CBLB: variants seen among roughly 807,000 people sequenced by gnomAD.
CBLB encodes Cbl proto-oncogene B, also known as E3 ubiquitin-protein ligase CBL-B.
Under a neutral mutation model 104.9 loss-of-function variants are expected in CBLB, and 31 were observed. The observed-to-expected ratio is 0.30, with a 90% CI of 0.22 to 0.40. CBLB has a LOEUF of 0.40. CBLB is among the 10% of genes least tolerant of loss of function. CBLB has a pLI of 1.00. For missense variants in CBLB, 1,062 were observed against 1,214.6 expected (o/e 0.87, Z 1.87); for synonymous variants, 440 against 422.6 (o/e 1.04, Z -0.51).
intron 3 of CBLB, among the ~76,000 whole-genome samples, chr3:105,817,559 G>A (rs1408647032): frequency 6.6e-6 from 1 of 152,140 alleles, no homozygotes; most frequent in East Asian, 1.9e-4. Flanking sequence ...GAAAACTAGA[G>A]TAGTGAATAT....
At chr3:105,845,204 T>C (rs1026080956) in intron 3 of CBLB, among the ~76,000 whole-genome samples, 3 of 152,058 alleles carry the variant, frequency 2.0e-5, no homozygotes, top group South Asian at 4.1e-4. Flanking sequence ...CTCAGGAATA[T>C]ATAAACATTT....
chr3:105,713,310 G>T (rs1214708430), intron 10 of CBLB, among the ~76,000 whole-genome samples: 1 of 151,368 alleles, frequency 6.6e-6, no homozygotes, highest in Non-Finnish European at 1.5e-5. Context: ...AAAACTAGAA[G>T]ATGAGCCCAG....
chr3:105,659,991 A>G (rs1473443191), intron 18 of CBLB, among the ~76,000 whole-genome samples: 1 of 152,172 alleles, frequency 6.6e-6, no homozygotes, highest in Non-Finnish European at 1.5e-5. Flanking sequence ...GTTCTAGATT[A>G]GTCCCTTGGT....
chr3:105,827,492 A>G (rs987554983), intron 3 of CBLB, among the ~76,000 whole-genome samples: 5 of 150,722 alleles, frequency 3.3e-5, no homozygotes, highest in Admixed American at 6.6e-5. Context: ...ACCAGTGTGT[A>G]TGTGTGTGTG....
chr3:105,724,991 T>C (rs2073401372), intron 9 of CBLB, among the ~76,000 whole-genome samples: 1 of 152,200 alleles, frequency 6.6e-6, no homozygotes, highest in Non-Finnish European at 1.5e-5. Context: ...AGGATCAGCA[T>C]GTAGTGGTTT....
chr3:105,665,008 A>T lies in CBLB; in HGVS notation c.2689+5225T>A, dbSNP rs1182601128. Among the ~76,000 whole-genome samples the T allele has an allele frequency of 2.0e-5, 3 of 152,212 alleles. No individual in the cohort carries two copies. The East Asian group carries it at 5.8e-4, about 29-fold the overall frequency. On this transcript the variant is annotated intron_variant, in intron 18 of 18. Coordinates refer to ENST00000394030, the MANE Select transcript of CBLB (RefSeq NM_170662.5). ...TTATTAACAAATTTTTAAAAAACTGAAACTGATGTAAATTCTATCAGGCTT... is the reference window on the plus strand; with the variant it reads ...TTATTAACAAATTTTTAAAAAACTGTAACTGATGTAAATTCTATCAGGCTT...
chr3:105,754,444 A>C (rs1015900983), intron 4 of CBLB, among the ~76,000 whole-genome samples: 2 of 146,412 alleles, frequency 1.4e-5, no homozygotes, highest in Admixed American at 6.8e-5. Context: ...TTGTTTTACA[A>C]ATGTAGAAAT....
chr3:105,867,683 C>T, intron 1 of CBLB, 92 bp from the exon 2 acceptor site: 2 of 1,090,286 alleles, frequency 1.8e-6, no homozygotes, highest in East Asian at 2.5e-5. Flanking sequence ...ACCACTGCAT[C>T]TTCCTCCATC....
At chr3:105,806,549 G>A (rs972969586) in intron 3 of CBLB, among the ~76,000 whole-genome samples, 25 of 148,968 alleles carry the variant, frequency 1.7e-4, no homozygotes, top group African/African-American at 5.4e-4. Flanking sequence ...TCTTTTTAAA[G>A]GTCACAAAGA....
intron 3 of CBLB, among the ~76,000 whole-genome samples, chr3:105,820,218 A>G (rs1285357974): frequency 6.6e-6 from 1 of 152,110 alleles, no homozygotes; most frequent in Non-Finnish European, 1.5e-5. Flanking sequence ...TAATGCCACC[A>G]CTGAGCTGAC....
At chr3:105,847,392 C>CCA (rs112192218) in intron 3 of CBLB, among the ~76,000 whole-genome samples, 25,767 of 143,338 alleles carry the variant, frequency 0.18, 2,231 homozygotes, top group Non-Finnish European at 0.2. Context: ...TAACCCTCCA[C>CCA]CACACACACA....
intron 10 of CBLB, 97 bp from the exon 11 acceptor site, chr3:105,704,270 A>G: frequency 8.8e-7 from 1 of 1,132,830 alleles, no homozygotes; most frequent in Non-Finnish European, 1.3e-6. Flanking sequence ...GGTTTCTGGC[A>G]CCATACATTT....
intron 3 of CBLB, among the ~76,000 whole-genome samples, chr3:105,779,474 T>C (rs968399890): frequency 6.6e-6 from 1 of 152,196 alleles, no homozygotes; most frequent in Non-Finnish European, 1.5e-5. Context: ...CAAGCTCATA[T>C]TGTTAAAAAT....
At chr3:105,790,400 A>G (rs2081497537) in intron 3 of CBLB, among the ~76,000 whole-genome samples, 1 of 152,228 alleles carries the variant, frequency 6.6e-6, no homozygotes, top group African/African-American at 2.4e-5. Context: ...TTACTTACAC[A>G]ACTATCAGTT....
intron 12 of CBLB, among the ~76,000 whole-genome samples, chr3:105,694,225 G>A (rs1346215981): frequency 6.6e-6 from 1 of 151,838 alleles, no homozygotes; most frequent in Non-Finnish European, 1.5e-5. Context: ...ACCATCCAAA[G>A]CCAGTGTTCA....
At chr3:105,816,397 G>A (rs1577455222) in intron 3 of CBLB, among the ~76,000 whole-genome samples, 1 of 152,058 alleles carries the variant, frequency 6.6e-6, no homozygotes, top group African/African-American at 2.4e-5. Flanking sequence ...CTACTAAGCA[G>A]GCAATTTCAA....
chr3:105,818,330 C>T (rs932865279), intron 3 of CBLB, among the ~76,000 whole-genome samples: 1 of 152,068 alleles, frequency 6.6e-6, no homozygotes, highest in Admixed American at 6.5e-5. Flanking sequence ...TACATCCACA[C>T]TGATAAAAAG....
At chr3:105,764,684 G>A (rs1256924141) in intron 4 of CBLB, among the ~76,000 whole-genome samples, 1 of 152,158 alleles carries the variant, frequency 6.6e-6, no homozygotes, top group Non-Finnish European at 1.5e-5. Context: ...ACATGATTAA[G>A]TTTAGTGAGA....
chr3:105,715,836 C>T (rs2071775328), intron 10 of CBLB, among the ~76,000 whole-genome samples: 2 of 152,016 alleles, frequency 1.3e-5, no homozygotes, highest in Non-Finnish European at 1.5e-5. Context: ...GTCAGGAGTT[C>T]GAGACTAGGC....
Sources: gnomAD v4.1 joint callset for allele counts (sites outside exome capture counted in the v4.1 genomes callset) on GRCh38, gnomAD v4.1.1 for gene constraint, MANE v1.5 for transcripts, NCBI Gene and HGNC (gene_info 2026-07-23, HGNC 2026-07-21) for gene names.